Variants in CHST15 observed in about 807,000 individuals in gnomAD.
The protein encoded by CHST15 is carbohydrate sulfotransferase 15.
Under a neutral mutation model 53.6 loss-of-function variants are expected in CHST15, and 30 were observed. That is an observed-to-expected ratio of 0.56 (90% CI 0.42 to 0.76). The LOEUF is 0.76. Ranked by LOEUF, CHST15 falls within the 30% of genes least tolerant of loss-of-function variation. The pLI, the probability that CHST15 is intolerant of heterozygous loss-of-function variation, is 0.00. For synonymous variants in CHST15, 296 were observed against 289.8 expected (o/e 1.02, Z -0.22); for missense variants, 627 against 740.5 (o/e 0.85, Z 1.78).
chr10:124,019,158 G>T lies in CHST15; in HGVS notation c.1347+2098C>A, dbSNP rs539109607. 1.3e-5 allele frequency among the ~76,000 whole-genome samples: 2 copies of T among 152,306 alleles called. No individual in the cohort carries two copies. Among genetic ancestry groups the T allele is most frequent in the South Asian group, 4.1e-4 (2 of 4,828 alleles). On this transcript the variant is annotated intron_variant, in intron 6 of 7. Transcript: ENST00000435907. The surrounding 1 kb of genome is among the most constrained non-coding windows in gnomAD (Gnocchi z 4.6). ...CTGGCCTGAGTCACAGCTGCAACTTGATTCGTGTCTGTCAGCACACTGGGC... is the reference window on the plus strand; with the variant it reads ...CTGGCCTGAGTCACAGCTGCAACTTTATTCGTGTCTGTCAGCACACTGGGC...
intron 6 of CHST15, among the ~76,000 whole-genome samples, chr10:124,018,862 G>A (rs1275946654): frequency 2.6e-5 from 4 of 152,176 alleles, no homozygotes; most frequent in Non-Finnish European, 5.9e-5. Context: ...ATAGCAGAGG[G>A]TAGAACAGTG....
intron 1 of CHST15, among the ~76,000 whole-genome samples, chr10:124,057,480 C>T (rs1948422188): frequency 6.6e-6 from 1 of 152,178 alleles, no homozygotes; most frequent in Admixed American, 6.5e-5. Context: ...AAGACCGCAG[C>T]GTGTCCAGTC....
At chr10:124,035,176 G>GGGGACCCTGGCTCTACCCCCTAACA (rs1947425376) in intron 5 of CHST15, among the ~76,000 whole-genome samples, 1 of 126,408 alleles carries the variant, frequency 7.9e-6, no homozygotes. Context: ...GCCCCCTAAC[G>GGGGACCCTGGCTCTACCCCCTAACA]GGGACCCTGG....
chr10:124,043,156 G>A (rs997566265), intron 3 of CHST15, among the ~76,000 whole-genome samples: 1 of 152,212 alleles, frequency 6.6e-6, no homozygotes, highest in Middle Eastern at 3.2e-3. Flanking sequence ...AAATTGGAAA[G>A]AGAACATCCG....
intron 5 of CHST15, 111 bp downstream of exon 5, chr10:124,038,404 C>T (rs1454701543): frequency 7.8e-7 from 1 of 1,280,150 alleles, no homozygotes; most frequent in Non-Finnish European, 1.1e-6. Flanking sequence ...CTGTACCCGA[C>T]CTGTTTAATT....
chr10:124,077,792 G>A (rs1949124393), intron 1 of CHST15, among the ~76,000 whole-genome samples: 2 of 152,190 alleles, frequency 1.3e-5, no homozygotes, highest in Admixed American at 6.5e-5. Flanking sequence ...TGAGCAGCTC[G>A]CACAGTCCTC....
intron 5 of CHST15, among the ~76,000 whole-genome samples, chr10:124,032,773 C>T (rs965398834): frequency 6.6e-6 from 1 of 150,636 alleles, no homozygotes; most frequent in African/African-American, 2.5e-5. Flanking sequence ...ATGAACCATC[C>T]CATCCACTTG....
At position 124,011,631 on chromosome 10, in the gene CHST15, C is replaced by T. The variant is rs539455819; in HGVS notation, c.1495+702G>A. On this transcript the variant is annotated intron_variant, in intron 7 of 7. Transcript: ENST00000435907. ...CCCGTCCACATGGGCAGCACTCGCT[C>T]CGCCAGCACATGCCTCTGCCAGCCA... 71 of 985,484 alleles carry T rather than the reference C, an allele frequency of 7.2e-5. 1 individual carries two copies. The South Asian group carries it at 2.9e-3, about 40-fold the overall frequency. 61.0% of individuals were successfully genotyped at this position (985,484 alleles called of 1,614,324 possible). A position where few individuals can be genotyped will look rare whatever the true frequency, so the allele number is the denominator to read the frequency against.
chr10:124,047,935 A>G (rs920285256), intron 1 of CHST15, among the ~76,000 whole-genome samples: 5 of 152,170 alleles, frequency 3.3e-5, no homozygotes, highest in Non-Finnish European at 7.3e-5. Flanking sequence ...AACTCTACCC[A>G]CGCCACCCCT....
intron 1 of CHST15, among the ~76,000 whole-genome samples, chr10:124,057,756 G>A (rs368215273): frequency 1.3e-4 from 20 of 152,300 alleles, no homozygotes; most frequent in South Asian, 6.2e-4. Flanking sequence ...GCCTCTGGCC[G>A]TGGCAGGCAG....
chr10:124,071,202 T>C (rs1193484830), intron 1 of CHST15, among the ~76,000 whole-genome samples: 1 of 152,232 alleles, frequency 6.6e-6, no homozygotes, highest in African/African-American at 2.4e-5. Context: ...CCCAGAGCGT[T>C]AGAGAAGATT....
intron 1 of CHST15, among the ~76,000 whole-genome samples, chr10:124,074,000 G>A (rs987188953): frequency 5.3e-5 from 8 of 152,198 alleles, no homozygotes; most frequent in Non-Finnish European, 8.8e-5. Flanking sequence ...CAACCTACGG[G>A]CTAGGCACAC....
At chr10:124,016,385 G>A (rs1946585360) in intron 6 of CHST15, among the ~76,000 whole-genome samples, 1 of 152,144 alleles carries the variant, frequency 6.6e-6, no homozygotes, top group Non-Finnish European at 1.5e-5. Flanking sequence ...GAGGGTTTCT[G>A]ATTGCCTGGC....
At chr10:124,030,188 A>T (rs1215470102) in intron 5 of CHST15, among the ~76,000 whole-genome samples, 1 of 151,920 alleles carries the variant, frequency 6.6e-6, no homozygotes. Context: ...CTTCACAAAG[A>T]CCCGAGCTGT....
At chr10:124,072,658 A>G (rs55854921) in intron 1 of CHST15, among the ~76,000 whole-genome samples, 143 of 152,322 alleles carry the variant, frequency 9.4e-4, no homozygotes, top group African/African-American at 3.3e-3. Context: ...CTCAAAGATG[A>G]GCCTGGAGGC....
In CHST15 at chr10:124,045,880, G is replaced by A; in HGVS notation, c.333C>T (p.Phe111=). 1.9e-6 allele frequency: 3 copies of A among 1,614,028 alleles called. No individual in the cohort carries two copies. The part of the protein sequence containing the change: ...AHQELLISSP[F]HYGGFPSNPS... ...GGTTGCTGGGGAAGCCTCCGTAATG[G>A]AAAGGTGATGAGATCAGAAGCTCTT... Residue 111 remains phenylalanine, a synonymous_variant, in exon 2 of 8, where the codon TTC becomes TTT. Transcript: ENST00000435907.
chr10:124,073,304 A>G (rs1291279627), intron 1 of CHST15, among the ~76,000 whole-genome samples: 2 of 152,334 alleles, frequency 1.3e-5, no homozygotes, highest in East Asian at 1.9e-4. Context: ...GAGCAAAAGA[A>G]CCCAGATATA....
At chr10:124,012,261 C>T in intron 7 of CHST15, 72 bp downstream of exon 7, 2 of 1,544,400 alleles carry the variant, frequency 1.3e-6, no homozygotes, top group Middle Eastern at 2.0e-4. Flanking sequence ...TCTGCATTTG[C>T]CCCAGAGGAC....
At chr10:124,012,099 G>A (rs1322350606) in intron 7 of CHST15, among the ~76,000 whole-genome samples, 2 of 152,264 alleles carry the variant, frequency 1.3e-5, no homozygotes, top group South Asian at 2.1e-4. Flanking sequence ...GCTCCCAGAA[G>A]GGAAACCATC....
Sources: allele counts gnomAD v4.1 joint callset (sites outside exome capture counted in the v4.1 genomes callset), GRCh38; gene constraint gnomAD v4.1.1; non-coding constraint Gnocchi (gnomAD v3.1); transcripts MANE v1.5; gene names NCBI Gene and HGNC (gene_info 2026-07-23, HGNC 2026-07-21).